TGIF2: variants seen among roughly 807,000 people sequenced by gnomAD.
TGIF2 encodes TGFB induced factor homeobox 2, also known as homeobox protein TGIF2.
Under a neutral mutation model 15.1 loss-of-function variants are expected in TGIF2, and 5 were observed. That is an observed-to-expected ratio of 0.33 (90% CI 0.17 to 0.70). The LOEUF is 0.70. TGIF2 is among the 30% of genes least tolerant of loss of function. TGIF2 has a pLI of 0.67. For synonymous variants in TGIF2, 131 were observed against 128.9 expected, an observed-to-expected ratio of 1.02 and a Z score of -0.11; for missense variants, 264 against 302.5, an observed-to-expected ratio of 0.87 and a Z score of 0.94.
intron 1 of TGIF2, 104 bp from the exon 2 acceptor site, chr20:36,578,637 C>A: frequency 7.8e-7 from 1 of 1,274,012 alleles, no homozygotes; most frequent in Non-Finnish European, 1.1e-6. Flanking sequence ...TGCAACTACC[C>A]CATTTCTGGT....
At chr20:36,580,967 A>G (rs2038534022) in intron 2 of TGIF2, among the ~76,000 whole-genome samples, 1 of 152,018 alleles carries the variant, frequency 6.6e-6, no homozygotes, top group Non-Finnish European at 1.5e-5. Flanking sequence ...TCTACTAAAA[A>G]TACAAAAAAA....
intron 2 of TGIF2, among the ~76,000 whole-genome samples, chr20:36,580,828 A>C (rs1357909842): frequency 4.7e-5 from 7 of 149,926 alleles, no homozygotes; most frequent in Non-Finnish European, 1.0e-4. Flanking sequence ...AAAAAAAAAA[A>C]AAAAAAAAAA....
chr20:36,580,209 A>G (rs2038516013), intron 2 of TGIF2, among the ~76,000 whole-genome samples: 1 of 151,216 alleles, frequency 6.6e-6, no homozygotes, highest in Non-Finnish European at 1.5e-5. Flanking sequence ...CCCTTATCCC[A>G]CTCTGAACCT....
chr20:36,590,059 G>A (rs2038738598), intron 2 of TGIF2, among the ~76,000 whole-genome samples: 1 of 152,154 alleles, frequency 6.6e-6, no homozygotes, highest in African/African-American at 2.4e-5. Context: ...GGCCTCAGGT[G>A]ATCCTCCCAC....
chr20:36,591,061 C>A lies in TGIF2; in HGVS notation c.344C>A (p.Ala115Asp). 1 of 1,601,330 alleles carries A rather than the reference C, an allele frequency of 6.2e-7. No homozygotes were observed. The highest frequency in any genetic ancestry group is 8.5e-7 in the Non-Finnish European group (1 of 1,170,544). ...CGTGGCAGCAGCCCCTCAGTGCTGG[C>A]TGTGTCTGTCCCAGCCCCCACCAAT... ...LPRGSSPSVL[A>D]VSVPAPTNVL... Residue 115 changes from alanine to aspartate, a missense_variant, in exon 3 of 3, where the codon GCT becomes GAT. Coordinates refer to ENST00000373872, the MANE Select transcript of TGIF2 (RefSeq NM_021809.7). This position sits in a 1 kb window ranked among gnomAD's most constrained non-coding sequence, Gnocchi z 5.3.
At chr20:36,585,904 ATTAC>A (rs1161976374) in intron 2 of TGIF2, among the ~76,000 whole-genome samples, 1 of 152,082 alleles carries the variant, frequency 6.6e-6, no homozygotes, top group Non-Finnish European at 1.5e-5. Context: ...GTACCTTCCC[ATTAC>A]TTCCTGGCTG....
chr20:36,578,678 T>C (rs1044979482), intron 1 of TGIF2, 63 bp from the exon 2 acceptor site: 20 of 1,485,848 alleles, frequency 1.3e-5, no homozygotes, highest in African/African-American at 4.2e-5. Context: ...TGAGCATGTT[T>C]GGAGACTAGG....
At chr20:36,586,459 C>T (rs1353495903) in intron 2 of TGIF2, among the ~76,000 whole-genome samples, 1 of 152,176 alleles carries the variant, frequency 6.6e-6, no homozygotes, top group Non-Finnish European at 1.5e-5. Context: ...CTTTGGGAGG[C>T]CAAAGCGGGC....
chr20:36,590,092 G>C (rs2038739099), intron 2 of TGIF2, among the ~76,000 whole-genome samples: 1 of 152,002 alleles, frequency 6.6e-6, no homozygotes, highest in Non-Finnish European at 1.5e-5. Flanking sequence ...GGTAGCTGGG[G>C]CTATAGGGCA....
chr20:36,582,599 C>T (rs2038569235), intron 2 of TGIF2, among the ~76,000 whole-genome samples: 1 of 152,238 alleles, frequency 6.6e-6, no homozygotes, highest in South Asian at 2.1e-4. Context: ...CAAAGCCAAA[C>T]ATCCTTCTAG....
chr20:36,577,144 G>T (rs1305360248), intron 1 of TGIF2, among the ~76,000 whole-genome samples: 1 of 152,030 alleles, frequency 6.6e-6, no homozygotes, highest in East Asian at 1.9e-4. Context: ...TCTCAGAATA[G>T]CTGGGACTAC....
intron 2 of TGIF2, among the ~76,000 whole-genome samples, chr20:36,587,749 G>T (rs150890737): frequency 1.3e-5 from 2 of 152,128 alleles, no homozygotes; most frequent in Admixed American, 6.6e-5. Flanking sequence ...GAGATTGAAT[G>T]AATAATTAGA....
chr20:36,588,986 T>C (rs762201333), intron 2 of TGIF2, among the ~76,000 whole-genome samples: 5 of 151,656 alleles, frequency 3.3e-5, no homozygotes, highest in African/African-American at 4.8e-5. Context: ...CTCAGTTCAG[T>C]TGCATTGGAG....
chr20:36,584,007 TAGTG>T (rs1271429927), intron 2 of TGIF2, among the ~76,000 whole-genome samples: 1 of 151,980 alleles, frequency 6.6e-6, no homozygotes, highest in Non-Finnish European at 1.5e-5. Context: ...GCAGAGGTTG[TAGTG>T]AGTTGTGATT....
intron 2 of TGIF2, among the ~76,000 whole-genome samples, chr20:36,586,627 G>A (rs946251415): frequency 6.6e-6 from 1 of 151,968 alleles, no homozygotes; most frequent in African/African-American, 2.4e-5. Context: ...CCCGAGAGGC[G>A]GAGGTTGCAG....
intron 1 of TGIF2, 130 bp from the exon 2 acceptor site, chr20:36,578,611 G>A (rs904872444): frequency 1.9e-6 from 2 of 1,045,780 alleles, no homozygotes; most frequent in African/African-American, 1.6e-5. Flanking sequence ...CTGTGTTACG[G>A]CCTGAGATTC....
chr20:36,574,543 G>T (rs539502303), intron 1 of TGIF2: 1 of 149,920 alleles, frequency 6.7e-6, no homozygotes, highest in East Asian at 2.0e-4. Context: ...GAGCGCGCAC[G>T]CTCCGCCGTC....
Position 36,591,673 on chromosome 20 carries a change from A to G in TGIF2, c.*242A>G. ...CAGTGATGAGACCAAGAGATCGGAG[A>G]CAAGCATGGTGCTGCTGCTTCTGCT... On this transcript the variant is annotated 3_prime_UTR_variant, in exon 3 of 3. Coordinates refer to ENST00000373872, the MANE Select transcript of TGIF2 (RefSeq NM_021809.7). The surrounding 1 kb of genome is among the most constrained non-coding windows in gnomAD (Gnocchi z 5.3). The G allele has an allele frequency of 2.3e-6, 1 of 436,236 alleles. No homozygotes were observed. Among genetic ancestry groups the G allele is most frequent in the Non-Finnish European group, 4.1e-6 (1 of 243,194 alleles). The allele number at this position is 436,236 out of a possible 1,614,324, so 27.0% of individuals were successfully genotyped here.
chr20:36,578,617 G>A, intron 1 of TGIF2, 124 bp from the exon 2 acceptor site: 1 of 1,102,858 alleles, frequency 9.1e-7, no homozygotes, highest in East Asian at 2.6e-5. Context: ...TACGGCCTGA[G>A]ATTCTGAATT....
Sources: allele counts gnomAD v4.1 joint callset (sites outside exome capture counted in the v4.1 genomes callset), GRCh38; gene constraint gnomAD v4.1.1; non-coding constraint Gnocchi (gnomAD v3.1); transcripts MANE v1.5; gene names NCBI Gene and HGNC (gene_info 2026-07-23, HGNC 2026-07-21).